The following FBXL17 variants were observed in gnomAD, a reference collection of about 807,000 sequenced individuals.
FBXL17 encodes F-box and leucine rich repeat protein 17.
Under a neutral mutation model 66.2 loss-of-function variants are expected in FBXL17, and 22 were observed. The observed-to-expected ratio is 0.33, with a 90% CI of 0.24 to 0.47. The LOEUF (loss-of-function observed/expected upper bound fraction) is 0.47. Ranked by LOEUF, FBXL17 falls within the 20% of genes least tolerant of loss-of-function variation. The pLI, the probability that FBXL17 is intolerant of heterozygous loss-of-function variation, is 1.00. For missense variants in FBXL17, 878 were observed against 948.2 expected (o/e 0.93, Z 0.97); for synonymous variants, 474 against 400.5 (o/e 1.18, Z -2.19).
At chr5:107,906,615 C>A (rs1749766028) in intron 7 of FBXL17, among the ~76,000 whole-genome samples, 2 of 152,108 alleles carry the variant, frequency 1.3e-5, no homozygotes, top group Admixed American at 1.3e-4. Context: ...GTCTGTCTGA[C>A]CATACAGGAT....
intron 4 of FBXL17, among the ~76,000 whole-genome samples, chr5:108,226,336 A>T (rs1437704432): frequency 6.6e-6 from 1 of 151,748 alleles, no homozygotes; most frequent in Non-Finnish European, 1.5e-5. Flanking sequence ...AAATAAATGA[A>T]TTTTTTTCCT....
intron 8 of FBXL17, among the ~76,000 whole-genome samples, chr5:107,872,969 G>A (rs2112490672): frequency 6.6e-6 from 1 of 152,288 alleles, no homozygotes; most frequent in African/African-American, 2.4e-5. Flanking sequence ...GCCAAGAGAT[G>A]GGGGAAGTGA....
At chr5:107,958,942 G>A (rs1427461168) in intron 7 of FBXL17, among the ~76,000 whole-genome samples, 1 of 152,176 alleles carries the variant, frequency 6.6e-6, no homozygotes, top group African/African-American at 2.4e-5. Flanking sequence ...GCATATTAGA[G>A]TTTAAAATGT....
Position 108,364,741 on chromosome 5 carries a change from C to T in FBXL17, c.1371G>A (p.Lys457=), listed in dbSNP as rs779012594. ...CTTTATAAATGCTAAAATTTACCTG[C>T]TTGAGTCCTTCATCAGTGAGTTTGT... ...NQDKLTDEGL[K]QLGSKCRELK... is the part of the protein sequence containing the mutation. Residue 457 remains lysine, a synonymous_variant, in exon 3 of 9, where the codon AAG becomes AAA. Transcript: ENST00000542267. The T allele has an allele frequency of 6.2e-7, 1 of 1,604,692 alleles. No individual in the cohort carries two copies. The highest frequency in any genetic ancestry group is 1.1e-5 in the South Asian group (1 of 89,972).
chr5:108,245,435 T>C (rs1756051072), intron 4 of FBXL17, among the ~76,000 whole-genome samples: 1 of 152,194 alleles, frequency 6.6e-6, no homozygotes, highest in Admixed American at 6.5e-5. Context: ...CATATTCATG[T>C]TAACATTCCT....
At chr5:108,011,766 G>C (rs1056759645) in intron 7 of FBXL17, among the ~76,000 whole-genome samples, 3 of 152,214 alleles carry the variant, frequency 2.0e-5, no homozygotes, top group East Asian at 3.8e-4. Flanking sequence ...GGAGGTCGCA[G>C]TGAGTTAAGA....
intron 4 of FBXL17, among the ~76,000 whole-genome samples, chr5:108,264,065 A>G (rs1756945312): frequency 6.6e-6 from 1 of 151,870 alleles, no homozygotes; most frequent in Non-Finnish European, 1.5e-5. Flanking sequence ...AAATACAAAA[A>G]TTATCTGGGC....
chr5:108,061,826 G>A (rs900169962), intron 6 of FBXL17, among the ~76,000 whole-genome samples: 2 of 151,520 alleles, frequency 1.3e-5, no homozygotes, highest in African/African-American at 4.9e-5. Flanking sequence ...GTTGTTACAG[G>A]TTTGGGTTTC....
At chr5:107,938,829 T>C (rs971265713) in intron 7 of FBXL17, among the ~76,000 whole-genome samples, 2 of 152,292 alleles carry the variant, frequency 1.3e-5, no homozygotes, top group South Asian at 2.1e-4. Context: ...CCTTTGGTCT[T>C]ATCTCTTCCA....
Position 108,381,994 on chromosome 5 carries a change from C to G in FBXL17, c.-303G>C, listed in dbSNP as rs1750008006. 4.3e-6 allele frequency: 5 copies of G among 1,167,840 alleles called. No homozygotes were observed. The Admixed American group carries it at 1.4e-4, about 32-fold the overall frequency. 72.3% of individuals were successfully genotyped at this position (1,167,840 alleles called of 1,614,324 possible). A position where few individuals can be genotyped will look rare whatever the true frequency, so the allele number is the denominator to read the frequency against. On this transcript the variant is annotated 5_prime_UTR_variant, in exon 1 of 9. Transcript: ENST00000542267. ...GCCGGCTAGGCGACCAGTCCGGGCCCGGCCAGCCGGCTCAGTCAGTCAGCG... is the reference window on the plus strand; with the variant it reads ...GCCGGCTAGGCGACCAGTCCGGGCCGGGCCAGCCGGCTCAGTCAGTCAGCG...
Position 107,878,896 on chromosome 5 carries a change from G to A in FBXL17, c.1965+2141C>T. On this transcript the variant is annotated intron_variant, in intron 8 of 8. Transcript: ENST00000542267. ...GCACTGCAGCAGGCTCTGACCAGAC[G>A]GCGTCGTGCTGGAGCCAATGGGTTC... 5.1e-6 allele frequency: 5 copies of A among 985,494 alleles called. No individual in the cohort carries two copies. In the South Asian group the frequency reaches 1.4e-4, roughly 28 times the overall value. The allele number at this position is 985,494 out of a possible 1,614,324, so 61.0% of individuals were successfully genotyped here. A position where few individuals can be genotyped will look rare whatever the true frequency, so the allele number is the denominator to read the frequency against.
intron 6 of FBXL17, among the ~76,000 whole-genome samples, chr5:108,177,932 T>TATATATATATATATATAC (rs1242739302): frequency 5.5e-5 from 7 of 126,894 alleles, no homozygotes; most frequent in African/African-American, 1.6e-4. Flanking sequence ...TATATATATA[T>TATATATATATATATATAC]ACACACACAC....
At chr5:108,309,828 G>A (rs900608702) in intron 4 of FBXL17, among the ~76,000 whole-genome samples, 6 of 152,016 alleles carry the variant, frequency 3.9e-5, no homozygotes, top group Non-Finnish European at 1.5e-5. Context: ...TTTCTTTAGT[G>A]AGAAGGTACT....
chr5:108,127,432 A>G (rs1426287420), intron 6 of FBXL17, among the ~76,000 whole-genome samples: 2 of 152,204 alleles, frequency 1.3e-5, no homozygotes, highest in Admixed American at 6.5e-5. Context: ...TGAAATTACC[A>G]TTAGTGCTCT....
chr5:108,167,213 C>A (rs1007177392), intron 6 of FBXL17, among the ~76,000 whole-genome samples: 1 of 152,076 alleles, frequency 6.6e-6, no homozygotes. Context: ...CAATAAGTAA[C>A]CTTCAAGAAT....
Position 108,017,315 on chromosome 5 carries a change from G to C in FBXL17, c.1822+3610C>G, listed in dbSNP as rs138271728. On this transcript the variant is annotated intron_variant, in intron 7 of 8. Coordinates refer to ENST00000542267, the MANE Select transcript of FBXL17 (RefSeq NM_001163315.3). Reference sequence around the variant, plus strand: ...TATTGCCTACTAATAATCTTGTTTAGCTAGCTTAGCTCTGGAGATCAAGTA... The same window carrying C: ...TATTGCCTACTAATAATCTTGTTTACCTAGCTTAGCTCTGGAGATCAAGTA... Among the ~76,000 whole-genome samples, 508 of 152,260 alleles carry C rather than the reference G, an allele frequency of 3.3e-3. 1 individual carries two copies. Among genetic ancestry groups the C allele is most frequent in the Admixed American group, 5.2e-3 (80 of 15,288 alleles).
chr5:108,328,405 A>G (rs183936812), intron 4 of FBXL17, among the ~76,000 whole-genome samples: 160 of 152,234 alleles, frequency 1.1e-3, no homozygotes, highest in African/African-American at 3.7e-3. Context: ...CATCAAAATT[A>G]TCAACAAGAT....
Position 107,966,301 on chromosome 5 carries a change from A to G in FBXL17, c.1822+54624T>C, listed in dbSNP as rs145105337. On this transcript the variant is annotated intron_variant, in intron 7 of 8. Transcript: ENST00000542267. Reference sequence around the variant, plus strand: ...GGGAAGGGGCTGGGATATTACATTTAGTACCAGACTCTCACCCCTGTTTTC... The same window carrying G: ...GGGAAGGGGCTGGGATATTACATTTGGTACCAGACTCTCACCCCTGTTTTC... Among the ~76,000 whole-genome samples the G allele has an allele frequency of 1.6e-4, 24 of 152,236 alleles. No homozygotes were observed. In the East Asian group the frequency reaches 4.3e-3, roughly 27 times the overall value.
intron 6 of FBXL17, among the ~76,000 whole-genome samples, chr5:108,062,674 CTTT>C (rs967360679): frequency 6.6e-6 from 1 of 151,992 alleles, no homozygotes; most frequent in African/African-American, 2.4e-5. Context: ...ATTTTCATGA[CTTT>C]TTTGGAGAAT....
Sources: allele counts gnomAD v4.1 joint callset (sites outside exome capture counted in the v4.1 genomes callset), GRCh38; gene constraint gnomAD v4.1.1; transcripts MANE v1.5; gene names NCBI Gene and HGNC (gene_info 2026-07-23, HGNC 2026-07-21).